DSG4: variants seen among roughly 807,000 people sequenced by gnomAD.
The protein encoded by DSG4 is desmoglein 4, also known as desmoglein-4.
In DSG4, 87 loss-of-function variants were observed where a neutral mutation model predicts 93.1. The ratio of observed to expected loss-of-function variants is 0.93; its 90% CI spans 0.79 to 1.12. The LOEUF (loss-of-function observed/expected upper bound fraction) is 1.12. DSG4 is among the 50% of genes most tolerant of loss of function. DSG4 has a pLI of 0.00. For missense variants in DSG4, 1,373 were observed against 1,285.7 expected (o/e 1.07, Z -1.04); for synonymous variants, 432 against 452.9 (o/e 0.95, Z 0.59).
At chr18:31,389,474 G>A (rs763928873) in intron 5 of DSG4, among the ~76,000 whole-genome samples, 4 of 152,092 alleles carry the variant, frequency 2.6e-5, no homozygotes, top group Non-Finnish European at 4.4e-5. Flanking sequence ...AGACTACATA[G>A]CAAACTACAT....
rs1019862367 is a variant in DSG4 at position 31,413,130 on chromosome 18, A to G, written c.2658A>G (p.Ser886=). The G allele has an allele frequency of 3.1e-6, 5 of 1,614,044 alleles. No homozygotes were observed. The highest frequency in any genetic ancestry group is 1.7e-5 in the Admixed American group (1 of 59,996). ...ATGAATCTTCAGGATTGACTCCCTC[A>G]GAAGTTGAATTCCAAGAAGAAATGG... is the stretch of plus-strand genomic sequence containing the variant. The part of the protein sequence containing the change: ...FVNESSGLTP[S]EVEFQEEMAA... Residue 886 remains serine (S), a synonymous_variant, in exon 16 of 16, where the codon TCA becomes TCG. Coordinates refer to ENST00000308128, the MANE Select transcript of DSG4 (RefSeq NM_177986.5).
chr18:31,400,882 T>C lies in DSG4; in HGVS notation c.1279T>C (p.Tyr427His), dbSNP rs1482791221. ...DTGNPATDVR[Y>H]IIGHDAGSWL... is the part of the protein sequence containing the mutation. ...ACGAACTTTTTTATTTAAAAACAGA[T>C]ATATCATAGGGCATGATGCAGGCAG... The change falls in exon 10 of 16, where the codon TAT (tyrosine) becomes CAT (histidine). Residue 427 changes from tyrosine to histidine, a missense_variant and splice_region_variant. Transcript: ENST00000308128. 2 of 1,611,878 alleles carry C rather than the reference T, an allele frequency of 1.2e-6. No individual in the cohort carries two copies. The highest frequency in any genetic ancestry group is 1.7e-6 in the Non-Finnish European group (2 of 1,178,818).
chr18:31,393,424 T>C (rs1247038481), intron 8 of DSG4, among the ~76,000 whole-genome samples: 1 of 152,142 alleles, frequency 6.6e-6, no homozygotes, highest in African/African-American at 2.4e-5. Context: ...GTCCTTCCAG[T>C]GAGGGCCTCA....
chr18:31,414,813 A>G lies in DSG4; in HGVS notation c.*1218A>G, dbSNP rs576600394. 1 of 152,348 alleles carries G rather than the reference A, an allele frequency of 6.6e-6. No homozygotes were observed. Among genetic ancestry groups the G allele is most frequent in the East Asian group, 1.9e-4 (1 of 5,192 alleles). 9.4% of individuals were successfully genotyped at this position (152,348 alleles called of 1,614,324 possible). On this transcript the variant is annotated 3_prime_UTR_variant, in exon 16 of 16. Coordinates refer to ENST00000308128, the MANE Select transcript of DSG4 (RefSeq NM_177986.5). ...ATCTCTAGCCAGGTAATTTTACTTA[A>G]TTCTGTAAAATATGTATACAGTAGC...
chr18:31,411,002 G>T, intron 14 of DSG4: 1 of 1,292,054 alleles, frequency 7.7e-7, no homozygotes, highest in Non-Finnish European at 1.0e-6. Flanking sequence ...CTGTGCAAAT[G>T]TGGGAAGGCC....
chr18:31,410,117 G>T (rs2072470033), intron 14 of DSG4, among the ~76,000 whole-genome samples: 1 of 152,140 alleles, frequency 6.6e-6, no homozygotes, highest in Non-Finnish European at 1.5e-5. Context: ...ATGAGTTTGA[G>T]TTTGGCTCAA....
At chr18:31,398,728 C>T (rs12956534) in intron 8 of DSG4, among the ~76,000 whole-genome samples, 6,453 of 152,158 alleles carry the variant, frequency 0.042, 180 homozygotes, top group Middle Eastern at 0.071. Flanking sequence ...AGGAGTCTTC[C>T]TGTCCACCAG....
At chr18:31,412,806 C>T in intron 15 of DSG4, 22 bp from the exon 16 acceptor site, 1 of 1,613,410 alleles carries the variant, frequency 6.2e-7, no homozygotes, top group Non-Finnish European at 8.5e-7. Context: ...ATTTCTAATT[C>T]TGTATTTCCT....
intron 5 of DSG4, among the ~76,000 whole-genome samples, chr18:31,389,751 C>A (rs2072228090): frequency 6.6e-6 from 1 of 151,964 alleles, no homozygotes; most frequent in Non-Finnish European, 1.5e-5. Context: ...TACCTCTAAA[C>A]AAATTTGGGG....
At chr18:31,409,333 A>G in intron 12 of DSG4, 119 bp from the exon 13 acceptor site, 2 of 1,462,034 alleles carry the variant, frequency 1.4e-6, no homozygotes, top group Non-Finnish European at 9.5e-7. Flanking sequence ...ATTTTCTTAC[A>G]TATATTTGTA....
intron 1 of DSG4, among the ~76,000 whole-genome samples, 179 bp downstream of exon 1, chr18:31,377,138 C>T (rs2072086011): frequency 6.6e-6 from 1 of 152,116 alleles, no homozygotes; most frequent in Admixed American, 6.6e-5. Flanking sequence ...AACAAAATGC[C>T]ATAGAGAAGC....
chr18:31,381,529 A>G (rs2072134746), intron 1 of DSG4, among the ~76,000 whole-genome samples: 1 of 151,930 alleles, frequency 6.6e-6, no homozygotes. Flanking sequence ...CTTCCTTTAC[A>G]TTGCCTAATT....
In DSG4 at chr18:31,413,368, G is replaced by A. The variant is rs1437649802; in HGVS notation, c.2896G>A (p.Glu966Lys). ...LADYNNVIYA[E>K]RVLASPGVPD... Reference sequence around the variant, plus strand: ...AGATTACAACAATGTAATCTATGCTGAGAGAGTACTGGCTAGTCCTGGTGT... The same window carrying A: ...AGATTACAACAATGTAATCTATGCTAAGAGAGTACTGGCTAGTCCTGGTGT... The change falls in exon 16 of 16, where the codon GAG (glutamate) becomes AAG (lysine). Residue 966 changes from glutamate to lysine, a missense_variant. Coordinates refer to ENST00000308128, the MANE Select transcript of DSG4 (RefSeq NM_177986.5). The A allele has an allele frequency of 1.9e-6, 3 of 1,614,040 alleles. No homozygotes were observed. Among genetic ancestry groups the A allele is most frequent in the African/African-American group, 2.7e-5 (2 of 74,900 alleles).
At chr18:31,394,959 C>T (rs1254309141) in intron 8 of DSG4, among the ~76,000 whole-genome samples, 1 of 152,024 alleles carries the variant, frequency 6.6e-6, no homozygotes, top group Admixed American at 6.6e-5. Flanking sequence ...GTCTCCCAAC[C>T]TACTAAAATA....
At chr18:31,387,761 G>C (rs2072203594) in intron 3 of DSG4, among the ~76,000 whole-genome samples, 1 of 152,040 alleles carries the variant, frequency 6.6e-6, no homozygotes, top group African/African-American at 2.4e-5. Flanking sequence ...TTAGTATATA[G>C]GTGAGATTTC....
At chr18:31,377,152 G>A (rs2072086218) in intron 1 of DSG4, among the ~76,000 whole-genome samples, 193 bp downstream of exon 1, 1 of 152,142 alleles carries the variant, frequency 6.6e-6, no homozygotes, top group African/African-American at 2.4e-5. Flanking sequence ...GAGAAGCGGG[G>A]TGAGAATCTG....
At position 31,386,743 on chromosome 18, in the gene DSG4, A is replaced by C; in HGVS notation, c.140A>C (p.Gln47Pro). The C allele has an allele frequency of 1.9e-6, 3 of 1,613,540 alleles. No individual in the cohort carries two copies. Among genetic ancestry groups the C allele is most frequent in the Non-Finnish European group, 2.5e-6 (3 of 1,179,552 alleles). ...GTTKWQTVRR[Q>P]KREWIKFAAA... is the part of the protein sequence containing the mutation. ...ACAAAATGGCAAACAGTCAGAAGACAAAAGCGGGAGTGGATCAAGTTTGCC... is the reference window on the plus strand; with the variant it reads ...ACAAAATGGCAAACAGTCAGAAGACCAAAGCGGGAGTGGATCAAGTTTGCC... Residue 47 changes from glutamine to proline, a missense_variant, in exon 3 of 16, where the codon CAA becomes CCA. Coordinates refer to ENST00000308128, the MANE Select transcript of DSG4 (RefSeq NM_177986.5).
intron 10 of DSG4, chr18:31,401,767 T>C (rs2072370585): frequency 6.6e-6 from 1 of 152,150 alleles, no homozygotes; most frequent in African/African-American, 2.4e-5. Context: ...AAGACAGGCG[T>C]CCAAGATACA....
At chr18:31,393,859 C>T (rs2072276163) in intron 8 of DSG4, among the ~76,000 whole-genome samples, 1 of 152,108 alleles carries the variant, frequency 6.6e-6, no homozygotes, top group African/African-American at 2.4e-5. Flanking sequence ...ACACTGAAAT[C>T]ATATGGTATA....
Sources: allele counts gnomAD v4.1 joint callset (sites outside exome capture counted in the v4.1 genomes callset), GRCh38; gene constraint gnomAD v4.1.1; transcripts MANE v1.5; gene names NCBI Gene and HGNC (gene_info 2026-07-23, HGNC 2026-07-21).